CASP2: variants seen among roughly 807,000 people sequenced by gnomAD.
CASP2 encodes the protein caspase 2.
A neutral mutation model predicts 54.4 loss-of-function variants in CASP2; 38 were observed. The ratio of observed to expected loss-of-function variants is 0.70; its 90% CI spans 0.54 to 0.92. CASP2 has a LOEUF of 0.92. Among genes scored for constraint, CASP2 ranks in the 40% least tolerant of loss-of-function variants. The probability of loss-of-function intolerance (pLI) is 0.00; values close to 1 mark genes in which losing one functional copy is unlikely to be tolerated. For missense variants in CASP2, 512 were observed against 579.6 expected, an observed-to-expected ratio of 0.88 and a Z score of 1.20; for synonymous variants, 215 against 216.3, an observed-to-expected ratio of 0.99 and a Z score of 0.05.
At chr7:143,290,052 TC>T (rs1801508880) in intron 1 of CASP2, among the ~76,000 whole-genome samples, 1 of 133,098 alleles carries the variant, frequency 7.5e-6, no homozygotes. Context: ...ATTTTTTCCC[TC>T]CCTTTTTTTT....
In CASP2 at chr7:143,291,454, T is replaced by C. The variant is rs2116763612; in HGVS notation, c.75-86T>C. ...TGGTTATTGTAAGTCTTATTCTTTT[T>C]GTTCTTCCTATTCATGCCTCTTCCA... On this transcript the variant is annotated intron_variant, in intron 1 of 10. Coordinates refer to ENST00000310447, the MANE Select transcript of CASP2 (RefSeq NM_032982.4). 3.0e-6 allele frequency: 4 copies of C among 1,318,132 alleles called. No individual in the cohort carries two copies. The East Asian group carries it at 9.2e-5, about 30-fold the overall frequency. The allele number at this position is 1,318,132 out of a possible 1,614,324, so 81.7% of individuals were successfully genotyped here.
At chr7:143,288,622 G>T in intron 1 of CASP2, 93 bp downstream of exon 1, 2 of 1,192,212 alleles carry the variant, frequency 1.7e-6, no homozygotes, top group Non-Finnish European at 2.4e-6. Flanking sequence ...CCTCCCCTCG[G>T]AGCCCCGGAA....
chr7:143,291,714 G>A (rs1487499284), intron 2 of CASP2, 24 bp downstream of exon 2: 2 of 1,546,112 alleles, frequency 1.3e-6, no homozygotes, highest in Non-Finnish European at 1.8e-6. Flanking sequence ...AAAGAGAGAA[G>A]ATAAATTGAT....
chr7:143,296,077 C>G (rs558362876), intron 6 of CASP2, among the ~76,000 whole-genome samples: 3 of 152,134 alleles, frequency 2.0e-5, no homozygotes, highest in Non-Finnish European at 4.4e-5. Flanking sequence ...GATAAAGGAT[C>G]TTACATGTCT....
intron 4 of CASP2, 137 bp from the exon 5 acceptor site, chr7:143,294,093 A>C: frequency 2.9e-6 from 2 of 686,568 alleles, no homozygotes; most frequent in South Asian, 3.1e-5. Context: ...GCCCTCATGA[A>C]GCTTACAGGT....
chr7:143,289,603 T>C (rs1801491650), intron 1 of CASP2: 1 of 983,474 alleles, frequency 1.0e-6, no homozygotes, highest in Non-Finnish European at 1.2e-6. Flanking sequence ...AAGAGAACGA[T>C]TTAAGGAGCG....
rs193204509 is a variant in CASP2 at position 143,301,074 on chromosome 7, T to G, written c.967+780T>G. 3.1e-3 allele frequency: 792 copies of G among 259,386 alleles called. 3 individuals carry two copies. The highest frequency in any genetic ancestry group is 4.3e-3 in the Non-Finnish European group (701 of 161,210). 16.1% of individuals were successfully genotyped at this position (259,386 alleles called of 1,614,324 possible). A position where few individuals can be genotyped will look rare whatever the true frequency, so the allele number is the denominator to read the frequency against. On this transcript the variant is annotated intron_variant, in intron 8 of 10. Transcript: ENST00000310447. The stretch of plus-strand genomic sequence containing the variant: ...CAGTTTCCTCAATATAAAATGAAAA[T>G]AGTCCTTGTACCTACTTCATAAGGT...
intron 6 of CASP2, chr7:143,298,812 T>TA (rs57792995): frequency 5.9e-4 from 83 of 141,716 alleles, no homozygotes; most frequent in Admixed American, 9.9e-4. Flanking sequence ...AGATCCTGTC[T>TA]AAAAAAAAAA....
chr7:143,291,681 G>A lies in CASP2; in HGVS notation c.216G>A (p.Glu72=), dbSNP rs1563060353. The A allele has an allele frequency of 6.2e-7, 1 of 1,613,386 alleles. No homozygotes were observed. The highest frequency in any genetic ancestry group is 8.5e-7 in the Non-Finnish European group (1 of 1,179,646). Residue 72 remains glutamate, a synonymous_variant, in exon 2 of 11, where the codon GAG becomes GAA. Coordinates refer to ENST00000310447, the MANE Select transcript of CASP2 (RefSeq NM_032982.4). ...ACATCATCACCTTGGAAATGAGGGA[G>A]CTCATCCAGGTATCTGGAGGCAAAA... ...EKDIITLEMR[E]LIQAKVGSFS... is the part of the protein sequence containing the mutation.
At chr7:143,289,608 G>T in intron 1 of CASP2, 1 of 983,804 alleles carries the variant, frequency 1.0e-6, no homozygotes, top group Non-Finnish European at 1.2e-6. Context: ...AACGATTTAA[G>T]GAGCGAATAC....
At chr7:143,297,466 G>A (rs1051554831) in intron 6 of CASP2, among the ~76,000 whole-genome samples, 3 of 152,058 alleles carry the variant, frequency 2.0e-5, no homozygotes, top group African/African-American at 7.2e-5. Context: ...TTTATTTTGA[G>A]ATGGAGTTTC....
chr7:143,292,633 A>C lies in CASP2; in HGVS notation c.410A>C (p.Asp137Ala), dbSNP rs1347121320. ...TTCTTACAGTTGAGCTGTGACTACGACTTGAGTCTCCCTTTTCCGGTGTGT... is the reference window on the plus strand; with the variant it reads ...TTCTTACAGTTGAGCTGTGACTACGCCTTGAGTCTCCCTTTTCCGGTGTGT... ...HVLPPLSCDYDLSLPFPVCES... is the reference protein window; with the variant it reads ...HVLPPLSCDYALSLPFPVCES... Residue 137 changes from aspartate (D) to alanine (A), a missense_variant, in exon 4 of 11, where the codon GAC (aspartate) becomes GCC (alanine). By Grantham distance (126) the Asp-to-Ala change is moderately radical. Transcript: ENST00000310447. 1 of 1,613,784 alleles carries C rather than the reference A, an allele frequency of 6.2e-7. No homozygotes were observed. The highest frequency in any genetic ancestry group is 1.1e-5 in the South Asian group (1 of 91,052).
intron 8 of CASP2, 56 bp from the exon 9 acceptor site, chr7:143,303,728 C>A: frequency 6.4e-7 from 1 of 1,567,220 alleles, no homozygotes; most frequent in Non-Finnish European, 8.8e-7. Context: ...TGTGACAGGC[C>A]CAAGAGAGAT....
At chr7:143,303,312 A>G (rs1801972225) in intron 8 of CASP2, 1 of 158,158 alleles carries the variant, frequency 6.3e-6, no homozygotes, top group South Asian at 1.8e-4. Context: ...TATATAGCAT[A>G]CATATGGTAA....
chr7:143,303,706 C>T (rs1801987618), intron 8 of CASP2, 78 bp from the exon 9 acceptor site: 8 of 1,357,596 alleles, frequency 5.9e-6, no homozygotes, highest in South Asian at 3.6e-5. Context: ...TTGTAGGGAA[C>T]GTGGGCTTGC....
intron 3 of CASP2, 36 bp downstream of exon 3, chr7:143,292,503 G>A: frequency 6.2e-7 from 1 of 1,613,070 alleles, no homozygotes. Flanking sequence ...GTTGGGAAGG[G>A]TTAGTTTGAC....
At chr7:143,295,550 A>G (rs915150289) in intron 6 of CASP2, among the ~76,000 whole-genome samples, 4 of 152,230 alleles carry the variant, frequency 2.6e-5, no homozygotes, top group Admixed American at 2.6e-4. Flanking sequence ...CCAGAATAGT[A>G]GAACTTTCTT....
At chr7:143,300,704 T>G in intron 8 of CASP2, 1 of 1,202,346 alleles carries the variant, frequency 8.3e-7, no homozygotes, top group Non-Finnish European at 1.0e-6. Flanking sequence ...CTTTGTTCTT[T>G]TCACTTGTTC....
intron 4 of CASP2, among the ~76,000 whole-genome samples, chr7:143,293,922 A>G (rs898301283): frequency 6.6e-6 from 1 of 152,212 alleles, no homozygotes; most frequent in Admixed American, 6.5e-5. Flanking sequence ...GCTGAATAAG[A>G]AAAGACTACA....
Sources: allele counts gnomAD v4.1 joint callset (sites outside exome capture counted in the v4.1 genomes callset), GRCh38; gene constraint gnomAD v4.1.1; transcripts MANE v1.5; gene names NCBI Gene and HGNC (gene_info 2026-07-23, HGNC 2026-07-21).